The following EIF3B variants were observed in gnomAD, a reference collection of about 807,000 sequenced individuals.
EIF3B encodes eukaryotic translation initiation factor 3 subunit 9.
Under a neutral mutation model 104.6 loss-of-function variants are expected in EIF3B, and 10 were observed. The observed-to-expected ratio is 0.10, with a 90% CI of 0.06 to 0.16. The LOEUF (loss-of-function observed/expected upper bound fraction) is 0.16, where lower values mean the gene tolerates loss of function less well. Ranked by LOEUF, EIF3B falls within the 10% of genes least tolerant of loss-of-function variation. The probability of loss-of-function intolerance (pLI) is 1.00; values close to 1 mark genes in which losing one functional copy is unlikely to be tolerated. For missense variants in EIF3B, 1,014 were observed against 1,087.9 expected, an observed-to-expected ratio of 0.93 and a Z score of 0.96; for synonymous variants, 542 against 417.2, an observed-to-expected ratio of 1.30 and a Z score of -3.65.
chr7:2,355,275 C>T lies in EIF3B; in HGVS notation c.354C>T (p.Asp118=), dbSNP rs1392914955. 13 of 1,533,196 alleles carry T rather than the reference C, an allele frequency of 8.5e-6. No individual in the cohort carries two copies. The highest frequency in any genetic ancestry group is 1.1e-5 in the Non-Finnish European group (13 of 1,146,754). 95.0% of individuals were successfully genotyped at this position (1,533,196 alleles called of 1,614,324 possible). A position where few individuals can be genotyped will look rare whatever the true frequency, so the allele number is the denominator to read the frequency against. The change falls in exon 1 of 19, where the codon GAC becomes GAT. Residue 118 remains aspartate (D), a synonymous_variant. Coordinates refer to ENST00000360876, the MANE Select transcript of EIF3B (RefSeq NM_001037283.2). ...PGEQARDERS[D]SRAQAVSEDA... ...AGCAGGCTCGGGACGAGCGCTCCGA[C>T]AGCCGGGCCCAGGCGGTGTCCGAGG...
In EIF3B at chr7:2,369,502, A is replaced by G; in HGVS notation, c.1434A>G (p.Ile478Met). 6.2e-7 allele frequency: 1 copy of G among 1,614,216 alleles called. No individual in the cohort carries two copies. The highest frequency in any genetic ancestry group is 8.5e-7 in the Non-Finnish European group (1 of 1,180,044). ...KDFSWSPGGN[I>M]IAFWVPEDKD... ...TTTCTTGGTCTCCTGGTGGTAACAT[A>G]ATCGCCTTCTGGGTGCCTGAAGACA... Residue 478 changes from isoleucine (I) to methionine (M), a missense_variant, in exon 10 of 19, where the codon ATA becomes ATG. Transcript: ENST00000360876.
chr7:2,356,300 A>C (rs757535816), intron 1 of EIF3B, among the ~76,000 whole-genome samples: 1 of 152,170 alleles, frequency 6.6e-6, no homozygotes. Context: ...CCAATTTATG[A>C]TTTAAACGTA....
intron 13 of EIF3B, 126 bp from the exon 14 acceptor site, chr7:2,375,263 G>C (rs536584528): frequency 8.2e-7 from 1 of 1,223,638 alleles, no homozygotes; most frequent in Non-Finnish European, 1.2e-6. Flanking sequence ...GGCTGTTGCT[G>C]TGCTTGTTTC....
intron 13 of EIF3B, 185 bp downstream of exon 13, chr7:2,374,791 C>G (rs1316200253): frequency 2.0e-6 from 1 of 498,596 alleles, no homozygotes; most frequent in Non-Finnish European, 3.5e-6. Context: ...GGACTCAGGC[C>G]AAGCCCGCAC....
intron 13 of EIF3B, 54 bp downstream of exon 13, chr7:2,374,660 C>T: frequency 6.5e-7 from 1 of 1,536,896 alleles, no homozygotes; most frequent in Non-Finnish European, 9.0e-7. Context: ...TCTGCTGTGG[C>T]AGAGACCCCT....
At chr7:2,364,860 A>G (rs1214332162) in intron 6 of EIF3B, among the ~76,000 whole-genome samples, 1 of 152,198 alleles carries the variant, frequency 6.6e-6, no homozygotes, top group Non-Finnish European at 1.5e-5. Context: ...TAATACTTCA[A>G]TGTATTGCCA....
rs915497064 is a variant in EIF3B at position 2,378,891 on chromosome 7, C to T, written c.2232+125C>T. The T allele has an allele frequency of 1.1e-5, 10 of 912,196 alleles. No individual in the cohort carries two copies. In the Admixed American group the frequency reaches 1.3e-4, roughly 12 times the overall value. 56.5% of individuals were successfully genotyped at this position (912,196 alleles called of 1,614,324 possible). A position where few individuals can be genotyped will look rare whatever the true frequency, so the allele number is the denominator to read the frequency against. On this transcript the variant is annotated intron_variant, in intron 16 of 18. Transcript: ENST00000360876. ...CTGCTCCGAAGACACTGGTTCTGTT[C>T]CCCCCCAGGAGGGATGCACTGGGGA...
At chr7:2,360,674 G>C in intron 1 of EIF3B, 36 bp from the exon 2 acceptor site, 1 of 1,533,514 alleles carries the variant, frequency 6.5e-7, no homozygotes, top group Non-Finnish European at 8.9e-7. Flanking sequence ...GTTTTTCTTG[G>C]TAAAAATGAT....
intron 9 of EIF3B, 72 bp downstream of exon 9, chr7:2,367,117 A>C (rs1235489452): frequency 3.1e-5 from 41 of 1,337,376 alleles, no homozygotes; most frequent in Middle Eastern, 1.9e-4. Flanking sequence ...AAAAAAAAAA[A>C]AACACAATAC....
chr7:2,379,561 G>A (rs1054054441), intron 18 of EIF3B, 50 bp downstream of exon 18: 26 of 1,179,524 alleles, frequency 2.2e-5, no homozygotes, highest in Non-Finnish European at 3.0e-5. Context: ...TGCTCATGCT[G>A]CTTCAGTTAT....
At chr7:2,362,982 G>A (rs1779820608) in intron 3 of EIF3B, 88 bp from the exon 4 acceptor site, 9 of 1,525,340 alleles carry the variant, frequency 5.9e-6, no homozygotes, top group Non-Finnish European at 8.2e-6. Context: ...GGGCAGGCAG[G>A]AGCACAGCAG....
At position 2,366,871 on chromosome 7, in the gene EIF3B, C is replaced by T. The variant is rs77811642; in HGVS notation, c.1357-128C>T. On this transcript the variant is annotated intron_variant, in intron 8 of 18. Transcript: ENST00000360876. ...GGGTGGGTGGATGGGTTCACTGTCA[C>T]GCTCTGTGTGCACTGCCCCCTAGGC... The T allele has an allele frequency of 4.4e-3, 4,473 of 1,017,630 alleles. 119 individuals carry two copies. The African/African-American group carries it at 0.061, about 14-fold the overall frequency. The allele number at this position is 1,017,630 out of a possible 1,614,324, so 63.0% of individuals were successfully genotyped here. A position where few individuals can be genotyped will look rare whatever the true frequency, so the allele number is the denominator to read the frequency against.
chr7:2,355,288 G>T lies in EIF3B; in HGVS notation c.367G>T (p.Ala123Ser). 6.5e-7 allele frequency: 1 copy of T among 1,537,264 alleles called. No homozygotes were observed. Among genetic ancestry groups the T allele is most frequent in the Non-Finnish European group, 8.7e-7 (1 of 1,148,798 alleles). Residue 123 changes from alanine (A) to serine (S), a missense_variant, in exon 1 of 19, where the codon GCG becomes TCG. Transcript: ENST00000360876. Reference sequence around the variant, plus strand: ...CGAGCGCTCCGACAGCCGGGCCCAGGCGGTGTCCGAGGACGCGGGAGGAAA... The same window carrying T: ...CGAGCGCTCCGACAGCCGGGCCCAGTCGGTGTCCGAGGACGCGGGAGGAAA... ...RDERSDSRAQ[A>S]VSEDAGGNEG...
At chr7:2,362,148 C>T (rs1267828425) in intron 2 of EIF3B, among the ~76,000 whole-genome samples, 1 of 152,104 alleles carries the variant, frequency 6.6e-6, no homozygotes, top group Admixed American at 6.5e-5. Context: ...TTAGCAGAGA[C>T]AGGGTTTCAC....
chr7:2,366,799 G>T (rs1292965731), intron 8 of EIF3B, 200 bp from the exon 9 acceptor site: 4 of 799,062 alleles, frequency 5.0e-6, no homozygotes, highest in Admixed American at 5.3e-5. Context: ...GGGAAGTCCT[G>T]GATGGGAGTT....
At position 2,369,577 on chromosome 7, in the gene EIF3B, G is replaced by C; in HGVS notation, c.1509G>C (p.Glu503Asp). Reference sequence around the variant, plus strand: ...TGATGCAGCTCCCTACCAGGCAAGAGATCCGAGTGAGGAACCTGTTCAATG... The same window carrying C: ...TGATGCAGCTCCCTACCAGGCAAGACATCCGAGTGAGGAACCTGTTCAATG... ...VTLMQLPTRQEIRVRNLFNVV... is the reference protein window; with the variant it reads ...VTLMQLPTRQDIRVRNLFNVV... Residue 503 changes from glutamate (E) to aspartate (D), a missense_variant, in exon 10 of 19, where the codon GAG (glutamate) becomes GAC (aspartate). By Grantham distance (45) the Glu-to-Asp change is conservative. This residue lies in a region of EIF3B where 59 missense variants were observed against 118.8 expected (regional missense o/e 0.50). Transcript: ENST00000360876. The C allele has an allele frequency of 6.2e-7, 1 of 1,614,132 alleles. No individual in the cohort carries two copies. Among genetic ancestry groups the C allele is most frequent in the Non-Finnish European group, 8.5e-7 (1 of 1,180,030 alleles).
rs7788454 is a variant in EIF3B at position 2,374,192 on chromosome 7, T to A, written c.1811-336T>A. The A allele has an allele frequency of 5.1e-3, 1,092 of 213,498 alleles. 10 individuals are homozygous for A. The highest frequency in any genetic ancestry group is 0.023 in the African/African-American group (1,030 of 44,622). The allele number at this position is 213,498 out of a possible 1,614,324, so 13.2% of individuals were successfully genotyped here. The stretch of plus-strand genomic sequence containing the variant: ...TGTCGCTAGGAGAGTGGCTTTGGTC[T>A]TTTGGGGTCACACGTCTCTGACATC... On this transcript the variant is annotated intron_variant, in intron 12 of 18. Coordinates refer to ENST00000360876, the MANE Select transcript of EIF3B (RefSeq NM_001037283.2).
chr7:2,365,460 C>A (rs981417190), intron 6 of EIF3B, among the ~76,000 whole-genome samples: 4 of 152,160 alleles, frequency 2.6e-5, no homozygotes, highest in Non-Finnish European at 5.9e-5. Context: ...TTTTCGCCCT[C>A]ATGGGTTGTG....
intron 2 of EIF3B, among the ~76,000 whole-genome samples, chr7:2,361,952 C>CTTATTTATTTATTTAT (rs60402825): frequency 1.5e-3 from 228 of 148,748 alleles, no homozygotes; most frequent in African/African-American, 4.2e-3. Context: ...TGCTTGCTTG[C>CTTATTTATTTATTTAT]TTATTTATTT....
Sources: gnomAD v4.1 joint callset for allele counts (sites outside exome capture counted in the v4.1 genomes callset) on GRCh38, gnomAD v4.1.1 for gene constraint, gnomAD v4.1.1 regional missense constraint, MANE v1.5 for transcripts, NCBI Gene and HGNC (gene_info 2026-07-23, HGNC 2026-07-21) for gene names.